THSD7B: variants seen among roughly 807,000 people sequenced by gnomAD.
THSD7B encodes the protein thrombospondin type 1 domain containing 7B, also known as thrombospondin type-1 domain-containing protein 7B.
In THSD7B, 138 loss-of-function variants were observed where a neutral mutation model predicts 213.6. That is an observed-to-expected ratio of 0.65 (90% confidence interval 0.56 to 0.74). THSD7B has a LOEUF of 0.74. Ranked by LOEUF, THSD7B falls within the 30% of genes least tolerant of loss-of-function variation. THSD7B has a pLI of 0.00. For missense variants in THSD7B, 1,931 were observed against 1,991.5 expected (o/e 0.97, Z 0.58); for synonymous variants, 742 against 687.0 (o/e 1.08, Z -1.25).
At chr2:136,921,899 A>T (rs1453738266) in intron 2 of THSD7B, among the ~76,000 whole-genome samples, 1 of 152,212 alleles carries the variant, frequency 6.6e-6, no homozygotes, top group Non-Finnish European at 1.5e-5. Context: ...TTTCCTTAGA[A>T]ACTTTCTAAG....
At chr2:137,004,298 C>CACAA (rs1437984276) in intron 2 of THSD7B, among the ~76,000 whole-genome samples, 4 of 18,184 alleles carry the variant, frequency 2.2e-4, no homozygotes, top group Non-Finnish European at 3.9e-4. Context: ...TGCACACGTA[C>CACAA]ACACACACAC....
At chr2:137,059,194 A>T (rs1687224844) in intron 3 of THSD7B, among the ~76,000 whole-genome samples, 1 of 152,054 alleles carries the variant, frequency 6.6e-6, no homozygotes, top group Non-Finnish European at 1.5e-5. Context: ...AGAGCACTCT[A>T]TGTCTCTTCT....
chr2:137,652,469 C>T (rs1683159445), intron 21 of THSD7B, among the ~76,000 whole-genome samples: 1 of 151,950 alleles, frequency 6.6e-6, no homozygotes, highest in Non-Finnish European at 1.5e-5. Flanking sequence ...AGGTGAGTTT[C>T]TTGTAGACAG....
chr2:137,546,374 ATAATATATATATTATATATATT>A (rs1680713252), intron 15 of THSD7B, among the ~76,000 whole-genome samples: 9 of 49,684 alleles, frequency 1.8e-4, no homozygotes, highest in African/African-American at 6.3e-4. Context: ...ATATATATAT[ATAATATATATATTATATATATT>A]ATATATATTA....
At chr2:136,939,551 T>C (rs1247207682) in intron 2 of THSD7B, among the ~76,000 whole-genome samples, 1 of 152,172 alleles carries the variant, frequency 6.6e-6, no homozygotes, top group African/African-American at 2.4e-5. Context: ...TCACCAGGCA[T>C]ATGCTGTGTG....
chr2:137,179,236 G>A (rs984056464), intron 7 of THSD7B, among the ~76,000 whole-genome samples: 9 of 152,248 alleles, frequency 5.9e-5, no homozygotes, highest in East Asian at 1.9e-4. Flanking sequence ...CATGTCCTAA[G>A]TTTTTCTATT....
chr2:136,870,653 C>G (rs745732298), intron 1 of THSD7B, among the ~76,000 whole-genome samples: 1 of 151,966 alleles, frequency 6.6e-6, no homozygotes, highest in African/African-American at 2.4e-5. Context: ...AAGCAGGTCA[C>G]GTGAATAGGA....
intron 12 of THSD7B, among the ~76,000 whole-genome samples, chr2:137,283,411 C>T (rs1683084525): frequency 6.6e-6 from 1 of 152,048 alleles, no homozygotes; most frequent in South Asian, 2.1e-4. Context: ...GCCTGATTGC[C>T]CTGGCCAGAA....
chr2:137,391,047 A>G (rs964304268), intron 12 of THSD7B, among the ~76,000 whole-genome samples: 20 of 151,846 alleles, frequency 1.3e-4, no homozygotes, highest in Non-Finnish European at 2.1e-4. Flanking sequence ...TCAGTTCTTC[A>G]TATGTTTGGT....
chr2:136,780,263 G>A (rs1018360536), intron 1 of THSD7B, among the ~76,000 whole-genome samples: 16 of 151,588 alleles, frequency 1.1e-4, no homozygotes, highest in South Asian at 2.1e-4. Flanking sequence ...GGAACATTGC[G>A]TCCTCATATG....
At chr2:137,653,833 T>C (rs1683183622) in intron 21 of THSD7B, among the ~76,000 whole-genome samples, 1 of 152,124 alleles carries the variant, frequency 6.6e-6, no homozygotes, top group South Asian at 2.1e-4. Flanking sequence ...TGTGTTATCT[T>C]GGAGATCATA....
At chr2:137,571,116 A>C (rs1449511368) in intron 16 of THSD7B, among the ~76,000 whole-genome samples, 1 of 152,202 alleles carries the variant, frequency 6.6e-6, no homozygotes, top group African/African-American at 2.4e-5. Context: ...AGTCCCTATC[A>C]GTCACTAACC....
chr2:137,406,139 A>G (rs1428372606), intron 13 of THSD7B, among the ~76,000 whole-genome samples: 4 of 152,204 alleles, frequency 2.6e-5, no homozygotes, highest in Non-Finnish European at 4.4e-5. Context: ...TCATGCCAGG[A>G]TCTCAGTGAG....
At chr2:137,092,010 TA>T (rs1198980993) in intron 3 of THSD7B, among the ~76,000 whole-genome samples, 1 of 152,198 alleles carries the variant, frequency 6.6e-6, no homozygotes, top group African/African-American at 2.4e-5. Flanking sequence ...AGTTTCTGTC[TA>T]GTGGATTTTG....
chr2:136,881,385 A>G (rs189695196), intron 1 of THSD7B, among the ~76,000 whole-genome samples: 1 of 152,288 alleles, frequency 6.6e-6, no homozygotes, highest in East Asian at 1.9e-4. Context: ...AATAAAATAT[A>G]CCGACACAGA....
chr2:137,480,926 T>C (rs1424072061), intron 15 of THSD7B, among the ~76,000 whole-genome samples: 1 of 152,226 alleles, frequency 6.6e-6, no homozygotes, highest in Non-Finnish European at 1.5e-5. Context: ...TAATCCTCAG[T>C]GCAACAATAT....
chr2:137,313,451 T>A (rs1008728257), intron 12 of THSD7B, among the ~76,000 whole-genome samples: 3 of 151,784 alleles, frequency 2.0e-5, no homozygotes, highest in South Asian at 2.1e-4. Flanking sequence ...TGGTCTTGAC[T>A]CTTTATCCAA....
At position 137,434,140 on chromosome 2, in the gene THSD7B, T is replaced by C. The variant is rs78917304; in HGVS notation, c.2960-16705T>C. Among the ~76,000 whole-genome samples the C allele has an allele frequency of 9.1e-3, 1,386 of 152,266 alleles. 18 individuals carry two copies. The highest frequency in any genetic ancestry group is 0.031 in the African/African-American group (1,285 of 41,566). On this transcript the variant is annotated intron_variant, in intron 14 of 27. Transcript: ENST00000409968. ...CTCAGCATTTGTTGCAGGGAAGACA[T>C]CTCTCAGGATGGCACTGATACATTA...
At chr2:136,785,163 A>T (rs1464437141) in intron 1 of THSD7B, among the ~76,000 whole-genome samples, 1 of 151,944 alleles carries the variant, frequency 6.6e-6, no homozygotes, top group Non-Finnish European at 1.5e-5. Flanking sequence ...CAAGCCTTCC[A>T]CTCACTGGCC....
Sources: allele counts gnomAD v4.1 joint callset (sites outside exome capture counted in the v4.1 genomes callset), GRCh38; gene constraint gnomAD v4.1.1; transcripts MANE v1.5; gene names NCBI Gene and HGNC (gene_info 2026-07-23, HGNC 2026-07-21).